SHISAL2B: variants seen among roughly 807,000 people sequenced by gnomAD.
SHISAL2B encodes the protein protein shisa-like-2B.
SHISAL2B carries 12 observed loss-of-function variants against 16.5 expected under a neutral mutation model. The observed-to-expected ratio is 0.73, with a 90% CI of 0.47 to 1.18. SHISAL2B has a LOEUF of 1.18. Ranked by LOEUF, SHISAL2B falls within the 50% of genes most tolerant of loss-of-function variation. The pLI is 0.00. For missense variants in SHISAL2B, 183 were observed against 193.6 expected (o/e 0.95, Z 0.33); for synonymous variants, 72 against 75.0 (o/e 0.96, Z 0.21).
intron 1 of SHISAL2B, chr5:64,694,219 A>G (rs540417848): frequency 7.8e-6 from 3 of 383,624 alleles, no homozygotes; most frequent in South Asian, 4.0e-5. Context: ...TTGGCAGTCA[A>G]TTATTATTTA....
intron 2 of SHISAL2B, among the ~76,000 whole-genome samples, chr5:64,708,689 T>G (rs77052135): frequency 0.038 from 5,756 of 152,256 alleles, 381 homozygotes; most frequent in African/African-American, 0.13. Flanking sequence ...CTTTTTTTAT[T>G]TCTTAAATTT....
At chr5:64,709,982 A>G (rs1741935734) in intron 2 of SHISAL2B, among the ~76,000 whole-genome samples, 1 of 149,904 alleles carries the variant, frequency 6.7e-6, no homozygotes. Flanking sequence ...CCCATATTGT[A>G]GGTTGCCTGT....
intron 2 of SHISAL2B, among the ~76,000 whole-genome samples, chr5:64,703,140 G>A (rs1475037782): frequency 6.6e-6 from 1 of 152,142 alleles, no homozygotes; most frequent in Non-Finnish European, 1.5e-5. Context: ...GATGGGTTTT[G>A]TACTAAATTT....
At position 64,690,782 on chromosome 5, in the gene SHISAL2B, C is replaced by T. The variant is rs144658157; in HGVS notation, c.159C>T (p.Phe53=). 2 of 1,545,110 alleles carry T rather than the reference C, an allele frequency of 1.3e-6. No homozygotes were observed. Among genetic ancestry groups the T allele is most frequent in the South Asian group, 2.4e-5 (2 of 84,156 alleles). Residue 53 remains phenylalanine, a synonymous_variant, in exon 1 of 3, where the codon TTC becomes TTT. Coordinates refer to ENST00000389074, the MANE Select transcript of SHISAL2B (RefSeq NM_001164442.2). Reference sequence around the variant, plus strand: ...GCTGCAGCGAGCCGGGCAGCTACTTCCCCTACAAGCACAGCTACATGTGGA... The same window carrying T: ...GCTGCAGCGAGCCGGGCAGCTACTTTCCCTACAAGCACAGCTACATGTGGA... ...KYCCSEPGSY[F]PYKHSYMWSL...
At chr5:64,703,834 T>C (rs1422974355) in intron 2 of SHISAL2B, among the ~76,000 whole-genome samples, 1 of 152,174 alleles carries the variant, frequency 6.6e-6, no homozygotes, top group Non-Finnish European at 1.5e-5. Flanking sequence ...TTTTTGACTG[T>C]GCTTATGTGA....
At chr5:64,704,325 T>C (rs576544216) in intron 2 of SHISAL2B, among the ~76,000 whole-genome samples, 1 of 152,236 alleles carries the variant, frequency 6.6e-6, no homozygotes, top group African/African-American at 2.4e-5. Flanking sequence ...AAATATAAAA[T>C]TTAACTGTTA....
chr5:64,694,610 C>T (rs943395662), intron 1 of SHISAL2B, among the ~76,000 whole-genome samples: 1 of 152,120 alleles, frequency 6.6e-6, no homozygotes. Flanking sequence ...GAAAAATACA[C>T]GGGCTTCTTC....
rs113893074 is a variant in SHISAL2B at position 64,694,940 on chromosome 5, A to T, written c.192-567A>T. ...AGAATCATGTGACCTTTAACCTATA[A>T]TATGAACACGTGGTCTTCCATATTA... is the stretch of plus-strand genomic sequence containing the variant. On this transcript the variant is annotated intron_variant, in intron 1 of 2. Coordinates refer to ENST00000389074, the MANE Select transcript of SHISAL2B (RefSeq NM_001164442.2). 2.4e-4 allele frequency among the ~76,000 whole-genome samples: 36 copies of T among 152,260 alleles called. 1 individual carries two copies. The highest frequency in any genetic ancestry group is 8.4e-4 in the African/African-American group (35 of 41,542).
At chr5:64,692,952 CT>C (rs1157636808) in intron 1 of SHISAL2B, among the ~76,000 whole-genome samples, 1 of 151,764 alleles carries the variant, frequency 6.6e-6, no homozygotes, top group Admixed American at 6.6e-5. Context: ...TCTCCTGGAG[CT>C]CCATCTTTTC....
chr5:64,707,860 G>A (rs774562436), intron 2 of SHISAL2B, among the ~76,000 whole-genome samples: 1 of 152,086 alleles, frequency 6.6e-6, no homozygotes, highest in Non-Finnish European at 1.5e-5. Context: ...TTTGATATTC[G>A]TGAACATTTC....
intron 2 of SHISAL2B, among the ~76,000 whole-genome samples, chr5:64,717,233 C>G (rs911451873): frequency 1.3e-5 from 2 of 152,174 alleles, no homozygotes; most frequent in Admixed American, 6.5e-5. Context: ...TTAGTAATGT[C>G]TGTGATTTCT....
rs921993259 is a variant in SHISAL2B at position 64,718,005 on chromosome 5, A to G, written c.466A>G (p.Ile156Val). Reference protein sequence around the residue: ...IQEKTMDATQIHIAY With the variant: ...IQEKTMDATQVHIAY ...AGAAAAAACAATGGATGCAACACAA[A>G]TCCACATTGCTTATTAACTAAAAAT... Residue 156 changes from isoleucine (I) to valine (V), a missense_variant, in exon 3 of 3, where the codon ATC (isoleucine) becomes GTC (valine). Physicochemically the swap from Ile to Val is conservative, Grantham distance 29. Transcript: ENST00000389074. The G allele has an allele frequency of 1.7e-5, 25 of 1,511,020 alleles. No individual in the cohort carries two copies. Among genetic ancestry groups the G allele is most frequent in the Middle Eastern group, 3.4e-4 (2 of 5,948 alleles). The allele number at this position is 1,511,020 out of a possible 1,614,324, so 93.6% of individuals were successfully genotyped here.
intron 1 of SHISAL2B, 22 bp from the exon 2 acceptor site, chr5:64,695,485 A>T (rs1020266439): frequency 1.5e-5 from 22 of 1,509,196 alleles, no homozygotes; most frequent in African/African-American, 7.0e-5. Flanking sequence ...TGTGACACAT[A>T]TTTTTTTTCT....
intron 2 of SHISAL2B, among the ~76,000 whole-genome samples, chr5:64,703,329 C>A (rs1335556118): frequency 1.3e-5 from 2 of 152,150 alleles, no homozygotes; most frequent in African/African-American, 4.8e-5. Context: ...AATTGGAACT[C>A]AATGGCATAA....
At position 64,717,901 on chromosome 5, in the gene SHISAL2B, GA is replaced by G; in HGVS notation, c.367del (p.Thr123ProfsTer23). The G allele has an allele frequency of 6.6e-7, 1 of 1,510,534 alleles. No homozygotes were observed. Among genetic ancestry groups the G allele is most frequent in the South Asian group, 1.3e-5 (1 of 77,704 alleles). The allele number at this position is 1,510,534 out of a possible 1,614,324, so 93.6% of individuals were successfully genotyped here. A position where few individuals can be genotyped will look rare whatever the true frequency, so the allele number is the denominator to read the frequency against. ...TGTGTATCTGCAGGCAAGTCAAATG[GA>G]AAAACCAAAGCCCTCAATTCAAATG... ...ASSTQEGKSN[G>X]KTKALNSNAA... On this transcript the variant is annotated frameshift_variant, in exon 3 of 3. Coordinates refer to ENST00000389074, the MANE Select transcript of SHISAL2B (RefSeq NM_001164442.2). LOFTEE classifies it high-confidence loss of function.
intron 2 of SHISAL2B, among the ~76,000 whole-genome samples, chr5:64,709,234 G>A (rs1741917540): frequency 7.4e-6 from 1 of 134,780 alleles, no homozygotes; most frequent in South Asian, 2.4e-4. Flanking sequence ...TCCCCTTCCT[G>A]TGTCCATGTG....
intron 2 of SHISAL2B, among the ~76,000 whole-genome samples, chr5:64,695,891 A>G (rs1047418404): frequency 6.6e-6 from 1 of 152,246 alleles, no homozygotes; most frequent in Non-Finnish European, 1.5e-5. Flanking sequence ...TGAAAATTAA[A>G]TCATTGGTTC....
chr5:64,709,223 T>G (rs1368017773), intron 2 of SHISAL2B, among the ~76,000 whole-genome samples: 1 of 132,690 alleles, frequency 7.5e-6, no homozygotes, highest in Non-Finnish European at 1.6e-5. Flanking sequence ...GAGTGTGATA[T>G]TCCCCTTCCT....
chr5:64,693,596 T>G lies in SHISAL2B; in HGVS notation c.192-1911T>G, dbSNP rs1222804114. ...CTTTCCAGATGTCTAGCCTCTTATCTGCTCTGTGCACCAGATAATATTAAC... is the reference window on the plus strand; with the variant it reads ...CTTTCCAGATGTCTAGCCTCTTATCGGCTCTGTGCACCAGATAATATTAAC... On this transcript the variant is annotated intron_variant, in intron 1 of 2. Coordinates refer to ENST00000389074, the MANE Select transcript of SHISAL2B (RefSeq NM_001164442.2). Among the ~76,000 whole-genome samples, 8 of 152,334 alleles carry G rather than the reference T, an allele frequency of 5.3e-5. No homozygotes were observed. In the East Asian group the frequency reaches 1.5e-3, roughly 29 times the overall value.
Sources: allele counts gnomAD v4.1 joint callset (sites outside exome capture counted in the v4.1 genomes callset), GRCh38; gene constraint gnomAD v4.1.1; transcripts MANE v1.5; gene names NCBI Gene and HGNC (gene_info 2026-07-23, HGNC 2026-07-21).